Variants in TNKS observed in about 807,000 individuals in gnomAD.
TNKS encodes the protein poly [ADP-ribose] polymerase tankyrase-1.
In TNKS, 72 loss-of-function variants were observed where a neutral mutation model predicts 135.8. That is an observed-to-expected ratio of 0.53 (90% CI 0.44 to 0.64). The LOEUF is 0.64. Among genes scored for constraint, TNKS ranks in the 30% least tolerant of loss-of-function variants. The pLI, the probability that TNKS is intolerant of heterozygous loss-of-function variation, is 0.00. For synonymous variants in TNKS, 849 were observed against 649.3 expected (o/e 1.31, Z -4.68); for missense variants, 1,769 against 1,674.0 (o/e 1.06, Z -0.99).
chr8:9,613,317 T>C (rs946825259), intron 2 of TNKS, among the ~76,000 whole-genome samples: 1 of 152,160 alleles, frequency 6.6e-6, no homozygotes, highest in Non-Finnish European at 1.5e-5. Flanking sequence ...GGTGAGCTGA[T>C]GGGGATTGTC....
intron 20 of TNKS, among the ~76,000 whole-genome samples, chr8:9,758,487 A>T (rs571375148): frequency 2.0e-5 from 3 of 152,198 alleles, no homozygotes; most frequent in African/African-American, 7.2e-5. Flanking sequence ...GCGTAGGTAG[A>T]TCACTTATCT....
intron 3 of TNKS, among the ~76,000 whole-genome samples, chr8:9,633,149 TAA>T (rs1800363126): frequency 6.6e-6 from 1 of 152,212 alleles, no homozygotes; most frequent in Admixed American, 6.5e-5. Context: ...AAAGTTAAAT[TAA>T]GATTTTTTAC....
chr8:9,757,194 C>G (rs972451003), intron 20 of TNKS, among the ~76,000 whole-genome samples: 6 of 152,140 alleles, frequency 3.9e-5, no homozygotes, highest in African/African-American at 1.4e-4. Context: ...TCAGGCTGGT[C>G]TCAAACTCCT....
intron 3 of TNKS, among the ~76,000 whole-genome samples, chr8:9,651,367 G>GCATATGTCATATGCATATGA (rs1801142528): frequency 6.6e-6 from 1 of 152,084 alleles, no homozygotes; most frequent in African/African-American, 2.4e-5. Flanking sequence ...ATTGACATAT[G>GCATATGTCATATGCATATGA]CATATGTCTT....
chr8:9,562,378 A>G (rs1047087494), intron 1 of TNKS, among the ~76,000 whole-genome samples: 3 of 152,126 alleles, frequency 2.0e-5, no homozygotes, highest in African/African-American at 7.2e-5. Flanking sequence ...TCTCTGACTC[A>G]TCACCTGGAT....
rs547968827 is a variant in TNKS at position 9,716,232 on chromosome 8, T to G, written c.1750-4142T>G. 7.2e-5 allele frequency among the ~76,000 whole-genome samples: 11 copies of G among 152,300 alleles called. No individual in the cohort carries two copies. In the East Asian group the frequency reaches 1.7e-3, roughly 24 times the overall value. ...GAAGCGATCACGAGTCTTTGCTCAC[T>G]TGGGGAAATGTGTCAGCCCATTATA... On this transcript the variant is annotated intron_variant, in intron 11 of 26. Coordinates refer to ENST00000310430, the MANE Select transcript of TNKS (RefSeq NM_003747.3).
At position 9,782,261 on chromosome 8, in the gene TNKS, A is replaced by G. The variant is rs1418612108; in HGVS notation, c.*5525A>G. On this transcript the variant is annotated 3_prime_UTR_variant, in exon 27 of 27. Coordinates refer to ENST00000310430, the MANE Select transcript of TNKS (RefSeq NM_003747.3). The stretch of plus-strand genomic sequence containing the variant: ...CTATTTAAGACATCTTTGTGATTAT[A>G]TTTAACCTGCAATTGTGCTTTGGCT... The G allele has an allele frequency of 6.6e-6, 1 of 152,668 alleles. No homozygotes were observed. The highest frequency in any genetic ancestry group is 1.5e-5 in the Non-Finnish European group (1 of 68,048). 9.5% of individuals were successfully genotyped at this position (152,668 alleles called of 1,614,324 possible).
At chr8:9,755,151 G>A (rs953119355) in intron 20 of TNKS, among the ~76,000 whole-genome samples, 1 of 152,084 alleles carries the variant, frequency 6.6e-6, no homozygotes, top group African/African-American at 2.4e-5. Flanking sequence ...ATAATTTTAT[G>A]TGTTCTTTTT....
chr8:9,703,775 G>T (rs1441940029), intron 5 of TNKS, among the ~76,000 whole-genome samples: 1 of 152,164 alleles, frequency 6.6e-6, no homozygotes, highest in Non-Finnish European at 1.5e-5. Context: ...ATGCATTAAA[G>T]TATATTAAAG....
intron 2 of TNKS, among the ~76,000 whole-genome samples, chr8:9,609,814 G>T (rs533557630): frequency 6.6e-6 from 1 of 152,234 alleles, no homozygotes; most frequent in Admixed American, 6.5e-5. Flanking sequence ...AATTCAGTAA[G>T]CCATCCTATA....
At chr8:9,600,113 G>C (rs1002994414) in intron 2 of TNKS, among the ~76,000 whole-genome samples, 1 of 152,120 alleles carries the variant, frequency 6.6e-6, no homozygotes, top group Admixed American at 6.5e-5. Context: ...TTACAGGCAA[G>C]GAAATGGAAG....
intron 17 of TNKS, among the ~76,000 whole-genome samples, chr8:9,739,004 C>G (rs1021765028): frequency 6.6e-6 from 1 of 151,962 alleles, no homozygotes; most frequent in Non-Finnish European, 1.5e-5. Context: ...GTGGGGACTT[C>G]ATGTCCAAAA....
At chr8:9,571,865 A>G (rs1377775790) in intron 1 of TNKS, among the ~76,000 whole-genome samples, 15 of 152,070 alleles carry the variant, frequency 9.9e-5, no homozygotes. Flanking sequence ...TCACCTCTTG[A>G]TTTACTGTGC....
intron 26 of TNKS, among the ~76,000 whole-genome samples, chr8:9,771,188 A>T (rs1807811168): frequency 7.1e-6 from 1 of 140,998 alleles, no homozygotes; most frequent in South Asian, 2.6e-4. Flanking sequence ...GAAGAGAGGA[A>T]GGAAGGAAGT....
At chr8:9,723,002 TCTC>T (rs1381095316) in intron 12 of TNKS, among the ~76,000 whole-genome samples, 2 of 152,218 alleles carry the variant, frequency 1.3e-5, no homozygotes, top group Admixed American at 6.5e-5. Flanking sequence ...TTTTGATAAA[TCTC>T]CTTTAAAATT....
intron 19 of TNKS, 45 bp from the exon 20 acceptor site, chr8:9,752,499 T>G: frequency 6.8e-7 from 1 of 1,465,124 alleles, no homozygotes; most frequent in South Asian, 1.2e-5. Flanking sequence ...TTTCTTTATA[T>G]TTAGAGAATT....
chr8:9,611,147 T>G (rs970708380), intron 2 of TNKS, among the ~76,000 whole-genome samples: 20 of 152,312 alleles, frequency 1.3e-4, no homozygotes, highest in African/African-American at 4.8e-4. Flanking sequence ...GCTGCTACAT[T>G]TTCTCCGCCC....
chr8:9,770,113 C>T lies in TNKS; in HGVS notation c.3748C>T (p.Leu1250Phe), dbSNP rs747134878. ...RSCYICHRQM[L>F]FCRVTLGKSF... ...TTTTTTCTTTTTCCTTAGACAAATGCTCTTCTGTAGAGTGACCCTTGGGAA... is the reference window on the plus strand; with the variant it reads ...TTTTTTCTTTTTCCTTAGACAAATGTTCTTCTGTAGAGTGACCCTTGGGAA... Residue 1250 changes from leucine to phenylalanine, a missense_variant, in exon 26 of 27, where the codon CTC becomes TTC. This residue lies in a region of TNKS where 722 missense variants were observed against 688.9 expected (regional missense o/e 1.05). Transcript: ENST00000310430. The T allele has an allele frequency of 1.2e-6, 2 of 1,604,170 alleles. No homozygotes were observed. Among genetic ancestry groups the T allele is most frequent in the Admixed American group, 1.7e-5 (1 of 58,628 alleles).
chr8:9,655,897 G>C (rs1801344286), intron 3 of TNKS, among the ~76,000 whole-genome samples: 1 of 152,186 alleles, frequency 6.6e-6, no homozygotes, highest in South Asian at 2.1e-4. Context: ...GACGGAGAAT[G>C]GCCTTGATGA....
Sources: gnomAD v4.1 joint callset for allele counts (sites outside exome capture counted in the v4.1 genomes callset) on GRCh38, gnomAD v4.1.1 for gene constraint, gnomAD v4.1.1 regional missense constraint, MANE v1.5 for transcripts, NCBI Gene and HGNC (gene_info 2026-07-23, HGNC 2026-07-21) for gene names.